Variants in ZFAT observed in about 807,000 individuals in gnomAD.
The protein encoded by ZFAT is zinc finger and AT-hook domain containing.
ZFAT carries 64 observed loss-of-function variants against 117.7 expected under a neutral mutation model. The observed-to-expected ratio is 0.54, with a 90% confidence interval of 0.44 to 0.67. The LOEUF is 0.67. Ranked by LOEUF, ZFAT falls within the 30% of genes least tolerant of loss-of-function variation. The pLI is 0.00. For synonymous variants in ZFAT, 679 were observed against 615.0 expected (o/e 1.10, Z -1.54); for missense variants, 1,433 against 1,584.5 (o/e 0.90, Z 1.62).
chr8:134,544,211 G>A (rs533455786), intron 11 of ZFAT, among the ~76,000 whole-genome samples: 14 of 152,198 alleles, frequency 9.2e-5, no homozygotes, highest in Middle Eastern at 3.4e-3. Context: ...CTCCAGGTCC[G>A]CCCTCCACAG....
the ZFAT span, chr8:134,795,073 C>G: frequency 6.6e-6 from 1 of 152,094 alleles, no homozygotes; most frequent in Non-Finnish European, 1.5e-5. Flanking sequence ...TAGATTAGAT[C>G]AGAGGTCTAA....
At chr8:134,481,330 C>T (rs1415147943) in intron 15 of ZFAT, among the ~76,000 whole-genome samples, 1 of 152,172 alleles carries the variant, frequency 6.6e-6, no homozygotes, top group East Asian at 1.9e-4. Flanking sequence ...GTCCCCAGGG[C>T]TTCACATGTG....
the ZFAT span, among the ~76,000 whole-genome samples, chr8:134,750,535 A>T: frequency 7.6e-3 from 1,163 of 152,234 alleles, 7 homozygotes; most frequent in African/African-American, 0.027. Flanking sequence ...ATTTTTTTTA[A>T]AAATAATTAT....
At chr8:134,605,273 G>A (rs999107339) in intron 5 of ZFAT, among the ~76,000 whole-genome samples, 3 of 152,214 alleles carry the variant, frequency 2.0e-5, no homozygotes, top group Admixed American at 6.5e-5. Flanking sequence ...CCGGCCAGGC[G>A]CAGTGGCTCA....
chr8:134,518,276 T>C (rs551543179), intron 13 of ZFAT, among the ~76,000 whole-genome samples: 8 of 152,304 alleles, frequency 5.3e-5, no homozygotes, highest in East Asian at 3.9e-4. Context: ...CAGTGAAACT[T>C]TGGGATGGTT....
At chr8:134,775,696 C>T in the ZFAT span, among the ~76,000 whole-genome samples, 1 of 152,142 alleles carries the variant, frequency 6.6e-6, no homozygotes, top group South Asian at 2.1e-4. Flanking sequence ...GGTAATTTCT[C>T]ACTATTTTAT....
At chr8:134,682,183 A>G (rs1393007172) in intron 1 of ZFAT, among the ~76,000 whole-genome samples, 1 of 152,260 alleles carries the variant, frequency 6.6e-6, no homozygotes, top group Non-Finnish European at 1.5e-5. Flanking sequence ...AATTCTCACA[A>G]CAATCCTGTG....
At chr8:134,552,768 C>T (rs1052380860) in intron 11 of ZFAT, among the ~76,000 whole-genome samples, 18 of 152,126 alleles carry the variant, frequency 1.2e-4, no homozygotes, top group African/African-American at 3.1e-4. Context: ...GAAGCAAAAG[C>T]GTCTAAAGTA....
At chr8:134,495,700 T>A (rs1818384243) in intron 15 of ZFAT, among the ~76,000 whole-genome samples, 1 of 152,124 alleles carries the variant, frequency 6.6e-6, no homozygotes. Flanking sequence ...GAGGCCAAGG[T>A]GGGCAGATCA....
At chr8:134,711,021 T>G (rs1813974099) in intron 1 of ZFAT, among the ~76,000 whole-genome samples, 1 of 152,278 alleles carries the variant, frequency 6.6e-6, no homozygotes, top group Admixed American at 6.5e-5. Context: ...ATGCATCAGC[T>G]GCTAAACAAC....
the ZFAT span, among the ~76,000 whole-genome samples, chr8:134,812,657 C>A: frequency 6.6e-6 from 1 of 152,052 alleles, no homozygotes. Context: ...ATCATTTGAA[C>A]CCCTAGAGGC....
chr8:134,486,489 T>C (rs976447018), intron 15 of ZFAT, among the ~76,000 whole-genome samples: 1 of 152,210 alleles, frequency 6.6e-6, no homozygotes, highest in African/African-American at 2.4e-5. Context: ...TATTAAACCA[T>C]GTCTTGGAGA....
the ZFAT span, among the ~76,000 whole-genome samples, chr8:134,798,716 G>A: frequency 1.3e-5 from 2 of 152,052 alleles, no homozygotes; most frequent in South Asian, 4.1e-4. Flanking sequence ...ATAAACATAT[G>A]GCCATTAAAC....
At chr8:134,680,755 T>C (rs1292856452) in intron 1 of ZFAT, among the ~76,000 whole-genome samples, 1 of 152,206 alleles carries the variant, frequency 6.6e-6, no homozygotes, top group East Asian at 1.9e-4. Context: ...AGGATGGTGA[T>C]GGTTACATAA....
In ZFAT at chr8:134,657,543, A is replaced by AC. The variant is rs749520400; in HGVS notation, c.196+17dup. The AC allele has an allele frequency of 1.9e-6, 3 of 1,586,662 alleles. No homozygotes were observed. The East Asian group carries it at 6.8e-5, about 36-fold the overall frequency. ...GGTGTGTCAGAAGGTATCCTGCCCC[A>AC]CCCCCCAGCCCCCTTACCATCTCCG... is the stretch of plus-strand genomic sequence containing the variant. On this transcript the variant is annotated intron_variant, in intron 2 of 15. Transcript: ENST00000377838.
chr8:134,650,348 G>A (rs141364998), intron 2 of ZFAT, among the ~76,000 whole-genome samples: 1,712 of 151,834 alleles, frequency 0.011, 33 homozygotes, highest in African/African-American at 0.039. Context: ...GGCTGGTCTC[G>A]AACTCCTGAC....
chr8:134,613,906 G>C, intron 3 of ZFAT, among the ~76,000 whole-genome samples: 1 of 152,316 alleles, frequency 6.6e-6, no homozygotes, highest in East Asian at 1.9e-4. Flanking sequence ...GGTGGATCCT[G>C]GGGTTTCCAC....
chr8:134,595,260 T>C (rs1196688259), intron 7 of ZFAT, among the ~76,000 whole-genome samples: 4 of 152,120 alleles, frequency 2.6e-5, no homozygotes, highest in South Asian at 2.1e-4. Flanking sequence ...TGCTGACAAG[T>C]TCTATTTTAT....
At chr8:134,754,262 A>G in the ZFAT span, among the ~76,000 whole-genome samples, 3 of 152,232 alleles carry the variant, frequency 2.0e-5, no homozygotes, top group African/African-American at 7.2e-5. Context: ...GAGCAGAACT[A>G]TGTTTACCCT....
Sources: allele counts gnomAD v4.1 joint callset (sites outside exome capture counted in the v4.1 genomes callset), GRCh38; gene constraint gnomAD v4.1.1; transcripts MANE v1.5; gene names NCBI Gene and HGNC (gene_info 2026-07-23, HGNC 2026-07-21).